RBFOX1: variants seen among roughly 807,000 people sequenced by gnomAD.
The protein encoded by RBFOX1 is RNA binding protein fox-1 homolog 1.
Under a neutral mutation model 57.7 loss-of-function variants are expected in RBFOX1, and 8 were observed. The observed-to-expected ratio is 0.14, with a 90% CI of 0.08 to 0.25. RBFOX1 has a LOEUF of 0.25. RBFOX1 is among the 10% of genes least tolerant of loss of function. The probability of loss-of-function intolerance (pLI) is 1.00; values close to 1 mark genes in which losing one functional copy is unlikely to be tolerated. For synonymous variants in RBFOX1, 326 were observed against 222.4 expected (o/e 1.47, Z -4.15); for missense variants, 611 against 548.5 (o/e 1.11, Z -1.14).
At chr16:7,149,433 T>G (rs1184140608) in intron 4 of RBFOX1, among the ~76,000 whole-genome samples, 2 of 152,018 alleles carry the variant, frequency 1.3e-5, no homozygotes, top group Non-Finnish European at 2.9e-5. Flanking sequence ...CTGTCTTTCA[T>G]GGATTGGTGC....
At chr16:6,662,248 C>G (rs1250955958) in intron 3 of RBFOX1, among the ~76,000 whole-genome samples, 2 of 152,054 alleles carry the variant, frequency 1.3e-5, no homozygotes, top group East Asian at 1.9e-4. Flanking sequence ...GTGTTTTAGA[C>G]TTGAAATGCG....
At chr16:7,029,159 TACAC>T (rs1240388410) in intron 3 of RBFOX1, among the ~76,000 whole-genome samples, 1 of 82,580 alleles carries the variant, frequency 1.2e-5, no homozygotes, top group Non-Finnish European at 2.7e-5. Flanking sequence ...TGTATATATA[TACAC>T]ATATATATAC....
chr16:6,205,601 G>C (rs1463856269), intron 1 of RBFOX1, among the ~76,000 whole-genome samples: 1 of 152,098 alleles, frequency 6.6e-6, no homozygotes. Flanking sequence ...TTGGTGTACA[G>C]CAGTGATCTG....
At chr16:7,237,491 C>T (rs1358402012) in intron 4 of RBFOX1, among the ~76,000 whole-genome samples, 3 of 152,240 alleles carry the variant, frequency 2.0e-5, no homozygotes, top group Non-Finnish European at 4.4e-5. Context: ...CACATATCTA[C>T]ATATCTCATT....
At chr16:5,933,720 G>A (rs1157078096) in intron 4 of RBFOX1, among the ~76,000 whole-genome samples, 1 of 151,890 alleles carries the variant, frequency 6.6e-6, no homozygotes, top group African/African-American at 2.4e-5. Context: ...TGGGGTAGAA[G>A]ATTAATGAGC....
intron 3 of RBFOX1, among the ~76,000 whole-genome samples, chr16:6,778,446 C>G (rs1267034929): frequency 6.6e-6 from 1 of 152,100 alleles, no homozygotes; most frequent in East Asian, 1.9e-4. Context: ...CACATTTTAT[C>G]CATAAATGTT....
At chr16:7,240,275 A>G (rs2093990421) in intron 4 of RBFOX1, among the ~76,000 whole-genome samples, 1 of 152,040 alleles carries the variant, frequency 6.6e-6, no homozygotes, top group African/African-American at 2.4e-5. Flanking sequence ...CCGAATCTAT[A>G]AGATTTAAGG....
intron 9 of RBFOX1, among the ~76,000 whole-genome samples, chr16:7,603,982 C>A (rs972530065): frequency 2.0e-5 from 3 of 151,942 alleles, no homozygotes; most frequent in Admixed American, 6.6e-5. Flanking sequence ...TTGAACTTGT[C>A]CAGGCAGAGA....
chr16:7,381,810 C>T (rs990614698), intron 4 of RBFOX1, among the ~76,000 whole-genome samples: 2 of 152,148 alleles, frequency 1.3e-5, no homozygotes, highest in East Asian at 3.9e-4. Flanking sequence ...AGTGTGGACG[C>T]TGGGCTGGAT....
chr16:7,107,349 TG>T (rs1030604451), intron 4 of RBFOX1, among the ~76,000 whole-genome samples: 1 of 152,106 alleles, frequency 6.6e-6, no homozygotes, highest in Non-Finnish European at 1.5e-5. Context: ...CAGCATATTC[TG>T]GGGTATTATT....
chr16:7,619,489 A>C (rs2058975229), intron 10 of RBFOX1, among the ~76,000 whole-genome samples: 1 of 122,464 alleles, frequency 8.2e-6, no homozygotes, highest in Non-Finnish European at 1.7e-5. Flanking sequence ...AGTCAGGTTA[A>C]AATTTTAAGC....
intron 4 of RBFOX1, among the ~76,000 whole-genome samples, chr16:7,076,734 G>C (rs769074649): frequency 6.6e-6 from 1 of 152,042 alleles, no homozygotes; most frequent in Non-Finnish European, 1.5e-5. Flanking sequence ...ATGTTCACTC[G>C]TAACAGTGTA....
intron 3 of RBFOX1, among the ~76,000 whole-genome samples, chr16:6,750,673 T>C (rs879843440): frequency 2.6e-5 from 4 of 152,206 alleles, no homozygotes; most frequent in Admixed American, 2.6e-4. Context: ...GGGGTGTTCA[T>C]TGATTCATTC....
At chr16:7,265,434 C>T (rs1007263793) in intron 4 of RBFOX1, among the ~76,000 whole-genome samples, 2 of 151,530 alleles carry the variant, frequency 1.3e-5, no homozygotes. Context: ...TTCCTTTATT[C>T]ATTTATTTAT....
At chr16:5,588,586 G>A (rs1449044018) in intron 2 of RBFOX1, among the ~76,000 whole-genome samples, 4 of 152,072 alleles carry the variant, frequency 2.6e-5, no homozygotes, top group Non-Finnish European at 4.4e-5. Flanking sequence ...GTGTCTCTAT[G>A]ACCGAGTTAC....
At chr16:6,084,796 G>A (rs1021654232) in intron 1 of RBFOX1, among the ~76,000 whole-genome samples, 26 of 152,052 alleles carry the variant, frequency 1.7e-4, no homozygotes, top group African/African-American at 3.1e-4. Context: ...CAGGACAAAC[G>A]TCTTAGAACT....
At chr16:5,868,124 C>T (rs2057385904) in intron 4 of RBFOX1, among the ~76,000 whole-genome samples, 1 of 152,126 alleles carries the variant, frequency 6.6e-6, no homozygotes, top group Non-Finnish European at 1.5e-5. Context: ...GCAAGGTGAC[C>T]ACCCATTGGA....
At chr16:5,974,656 C>G (rs1282013979) in intron 4 of RBFOX1, among the ~76,000 whole-genome samples, 3 of 151,946 alleles carry the variant, frequency 2.0e-5, no homozygotes, top group Non-Finnish European at 1.5e-5. Flanking sequence ...CAGGTTTTAT[C>G]TTTAGTTTAA....
intron 1 of RBFOX1, among the ~76,000 whole-genome samples, chr16:5,379,572 C>T (rs763429029): frequency 6.6e-6 from 1 of 152,220 alleles, no homozygotes; most frequent in African/African-American, 2.4e-5. Context: ...GACTAGAGCC[C>T]TTCACTGGGC....
Sources: allele counts gnomAD v4.1 joint callset (sites outside exome capture counted in the v4.1 genomes callset), GRCh38; gene constraint gnomAD v4.1.1; transcripts MANE v1.5; gene names NCBI Gene and HGNC (gene_info 2026-07-23, HGNC 2026-07-21).